KREMEN1: variants seen among roughly 807,000 people sequenced by gnomAD.
The protein encoded by KREMEN1 is kringle containing transmembrane protein 1, also known as kremen protein 1.
KREMEN1 carries 30 observed loss-of-function variants against 46.5 expected under a neutral mutation model. The ratio of observed to expected loss-of-function variants is 0.65; its 90% CI spans 0.48 to 0.88. The LOEUF is 0.88. Among genes scored for constraint, KREMEN1 ranks in the 40% least tolerant of loss-of-function variants. The pLI is 0.00. For synonymous variants in KREMEN1, 214 were observed against 230.6 expected (o/e 0.93, Z 0.65); for missense variants, 533 against 596.9 (o/e 0.89, Z 1.11).
intron 4 of KREMEN1, among the ~76,000 whole-genome samples, chr22:29,124,566 C>T (rs2038410578): frequency 6.6e-6 from 1 of 151,674 alleles, no homozygotes; most frequent in South Asian, 2.1e-4. Context: ...AGTCTCGGCT[C>T]ACTGCAACAT....
intron 5 of KREMEN1, among the ~76,000 whole-genome samples, chr22:29,131,687 CAT>C (rs1491171650): frequency 4.4e-5 from 4 of 91,200 alleles, no homozygotes; most frequent in Admixed American, 3.4e-4. Flanking sequence ...TGCATATATA[CAT>C]GTATATATGT....
downstream of KREMEN1, among the ~76,000 whole-genome samples, chr22:29,150,079 C>G (rs75603499): frequency 0.018 from 2,670 of 152,336 alleles, 73 homozygotes; most frequent in African/African-American, 0.061. Flanking sequence ...TCGCTCAGCT[C>G]AAAGGGACAC....
downstream of KREMEN1, among the ~76,000 whole-genome samples, chr22:29,149,414 C>T (rs534651804): frequency 6.6e-6 from 1 of 152,122 alleles, no homozygotes; most frequent in East Asian, 1.9e-4. Flanking sequence ...GCCCACCTTG[C>T]CCTCCCAAAG....
In KREMEN1 at chr22:29,145,615, C is replaced by A; in HGVS notation, c.*3503C>A. 1 of 985,524 alleles carries A rather than the reference C, an allele frequency of 1.0e-6. No individual in the cohort carries two copies. The highest frequency in any genetic ancestry group is 1.7e-5 in the African/African-American group (1 of 57,350). The allele number at this position is 985,524 out of a possible 1,614,324, so 61.0% of individuals were successfully genotyped here. On this transcript the variant is annotated 3_prime_UTR_variant, in exon 9 of 9. Transcript: ENST00000400335. ...TCCTTGGCCCTTCTGAGAAGGCAGG[C>A]GGGAGGCACACGGTGCCCTGTTCTT...
intron 5 of KREMEN1, among the ~76,000 whole-genome samples, chr22:29,133,247 CAAA>C (rs147076750): frequency 7.9e-6 from 1 of 126,288 alleles, no homozygotes; most frequent in African/African-American, 3.3e-5. Context: ...GACTCCATCT[CAAA>C]AAAAAAAAAA....
At chr22:29,117,121 G>A (rs2038252068) in intron 3 of KREMEN1, among the ~76,000 whole-genome samples, 1 of 152,096 alleles carries the variant, frequency 6.6e-6, no homozygotes, top group Non-Finnish European at 1.5e-5. Context: ...CTGGTTAGAT[G>A]GTGGAATACA....
intron 1 of KREMEN1, among the ~76,000 whole-genome samples, chr22:29,084,272 G>A (rs970076186): frequency 2.0e-4 from 30 of 152,026 alleles, no homozygotes; most frequent in African/African-American, 6.5e-4. Context: ...CGAAATCTTC[G>A]TGACCTGTGT....
chr22:29,094,522 C>A, intron 2 of KREMEN1, 102 bp downstream of exon 2: 7 of 948,948 alleles, frequency 7.4e-6, no homozygotes, highest in Non-Finnish European at 7.7e-6. Context: ...GTCTTTTGAC[C>A]AACTCAAGAG....
At chr22:29,088,527 G>A (rs112433040) in intron 1 of KREMEN1, among the ~76,000 whole-genome samples, 3,462 of 151,972 alleles carry the variant, frequency 0.023, 146 homozygotes, top group African/African-American at 0.08. Flanking sequence ...ATGGGGTTTC[G>A]CCATGTTGCC....
intron 4 of KREMEN1, among the ~76,000 whole-genome samples, chr22:29,122,956 A>G (rs2038380041): frequency 6.6e-6 from 1 of 151,126 alleles, no homozygotes; most frequent in African/African-American, 2.4e-5. Flanking sequence ...AAAAAAAAAA[A>G]AAAAAAAAAA....
rs1601787181 is a variant in KREMEN1 at position 29,119,462 on chromosome 22, T to C, written c.353-1895T>C. On this transcript the variant is annotated intron_variant, in intron 3 of 8. Coordinates refer to ENST00000400335, the MANE Select transcript of KREMEN1 (RefSeq NM_001039570.3). The stretch of plus-strand genomic sequence containing the variant: ...GATGTGGGGGTGTGGGACTGAAAGT[T>C]CCAAGCTTTTAATCATGGCTTCATC... 3.3e-5 allele frequency among the ~76,000 whole-genome samples: 5 copies of C among 152,352 alleles called. No homozygotes were observed. In the South Asian group the frequency reaches 8.3e-4, roughly 25 times the overall value.
intron 1 of KREMEN1, among the ~76,000 whole-genome samples, chr22:29,077,455 T>C (rs1293279854): frequency 2.0e-5 from 3 of 152,200 alleles, no homozygotes; most frequent in Admixed American, 1.3e-4. Context: ...GTTCTAGCAG[T>C]TCTCCTGCCT....
chr22:29,129,141 T>C (rs370331366), intron 5 of KREMEN1, among the ~76,000 whole-genome samples: 27 of 152,034 alleles, frequency 1.8e-4, no homozygotes, highest in African/African-American at 6.3e-4. Flanking sequence ...TCACACCCCA[T>C]TGCTCTGCTG....
Position 29,144,457 on chromosome 22 carries a change from G to A in KREMEN1, c.*2345G>A. 1 of 985,600 alleles carries A rather than the reference G, an allele frequency of 1.0e-6. No homozygotes were observed. The highest frequency in any genetic ancestry group is 1.2e-6 in the Non-Finnish European group (1 of 830,034). 61.1% of individuals were successfully genotyped at this position (985,600 alleles called of 1,614,324 possible). Reference sequence around the variant, plus strand: ...GGAGGCCTGCTGAGGGCACAGAGCTGCTCGGTGCAGCCTTCATGCTTTGAT... The same window carrying A: ...GGAGGCCTGCTGAGGGCACAGAGCTACTCGGTGCAGCCTTCATGCTTTGAT... On this transcript the variant is annotated 3_prime_UTR_variant, in exon 9 of 9. Coordinates refer to ENST00000400335, the MANE Select transcript of KREMEN1 (RefSeq NM_001039570.3).
At chr22:29,094,191 A>G in intron 1 of KREMEN1, 67 bp from the exon 2 acceptor site, 1 of 1,399,900 alleles carries the variant, frequency 7.1e-7, no homozygotes, top group South Asian at 1.3e-5. Flanking sequence ...CAAAACATCA[A>G]CCAAAGAGGG....
intron 5 of KREMEN1, among the ~76,000 whole-genome samples, chr22:29,130,058 C>T (rs905203861): frequency 6.6e-5 from 10 of 152,222 alleles, no homozygotes; most frequent in African/African-American, 2.4e-4. Flanking sequence ...TGGATTGGAC[C>T]TTATTTTGTA....
At position 29,094,326 on chromosome 22, in the gene KREMEN1, C is replaced by G; in HGVS notation, c.166C>G (p.Pro56Ala). ...CTGGACAGCACTACAAGGCGGGAAG[C>G]CATGTCTGTTTTGGAACGAGACTTT... ...QNWTALQGGKPCLFWNETFQH... is the reference protein window; with the variant it reads ...QNWTALQGGKACLFWNETFQH... The change falls in exon 2 of 9, where the codon CCA becomes GCA. Residue 56 changes from proline (P) to alanine (A), a missense_variant. Coordinates refer to ENST00000400335, the MANE Select transcript of KREMEN1 (RefSeq NM_001039570.3). The G allele has an allele frequency of 6.2e-7, 1 of 1,613,912 alleles. No individual in the cohort carries two copies. The highest frequency in any genetic ancestry group is 8.5e-7 in the Non-Finnish European group (1 of 1,179,824).
chr22:29,123,682 C>T (rs757880674), intron 4 of KREMEN1, among the ~76,000 whole-genome samples: 19 of 152,152 alleles, frequency 1.2e-4, no homozygotes, highest in Admixed American at 2.6e-4. Context: ...CCCAGTTACT[C>T]GGGAAGCTGA....
At chr22:29,103,635 G>A (rs1031062757) in intron 3 of KREMEN1, among the ~76,000 whole-genome samples, 12 of 152,122 alleles carry the variant, frequency 7.9e-5, no homozygotes, top group Admixed American at 2.6e-4. Context: ...TAGATCCCAC[G>A]CTTTAGATCT....
Sources: gnomAD v4.1 joint callset for allele counts (sites outside exome capture counted in the v4.1 genomes callset) on GRCh38, gnomAD v4.1.1 for gene constraint, MANE v1.5 for transcripts, NCBI Gene and HGNC (gene_info 2026-07-23, HGNC 2026-07-21) for gene names.